Variants in PLXNB2 observed in about 807,000 individuals in gnomAD.
PLXNB2 encodes the protein plexin B2, also known as plexin-B2.
In PLXNB2, 85 loss-of-function variants were observed where a neutral mutation model predicts 202.6. The ratio of observed to expected loss-of-function variants is 0.42; its 90% CI spans 0.35 to 0.50. PLXNB2 has a LOEUF of 0.50. Ranked by LOEUF, PLXNB2 falls within the 20% of genes least tolerant of loss-of-function variation. The probability of loss-of-function intolerance (pLI) is 0.02; values close to 1 mark genes in which losing one functional copy is unlikely to be tolerated. For missense variants in PLXNB2, 2,063 were observed against 2,586.2 expected, an observed-to-expected ratio of 0.80 and a Z score of 4.39; for synonymous variants, 1,239 against 1,137.6, an observed-to-expected ratio of 1.09 and a Z score of -1.79.
At chr22:50,306,333 T>C (rs538246849) in intron 1 of PLXNB2, among the ~76,000 whole-genome samples, 7 of 152,184 alleles carry the variant, frequency 4.6e-5, no homozygotes, top group African/African-American at 1.7e-4. Context: ...GGGATTTCTA[T>C]GCAACATGCA....
intron 1 of PLXNB2, chr22:50,301,278 C>T: frequency 2.0e-6 from 1 of 495,458 alleles, no homozygotes; most frequent in Non-Finnish European, 2.6e-6. Flanking sequence ...AACCTGGGCA[C>T]AGCTGCAGCC....
chr22:50,287,003 G>T (rs1007999140), intron 8 of PLXNB2, 108 bp downstream of exon 8: 6 of 1,136,436 alleles, frequency 5.3e-6, no homozygotes, highest in Non-Finnish European at 7.2e-6. Flanking sequence ...GCCGCGGAGT[G>T]TGCCTGTGCA....
Position 50,278,922 on chromosome 22 carries a change from C to G in PLXNB2, c.4479G>C (p.Lys1493Asn). 1 of 1,613,680 alleles carries G rather than the reference C, an allele frequency of 6.2e-7. No individual in the cohort carries two copies. Among genetic ancestry groups the G allele is most frequent in the East Asian group, 2.2e-5 (1 of 44,874 alleles). The change falls in exon 28 of 37, where the codon AAG (lysine) becomes AAC (asparagine). Residue 1493 changes from lysine to asparagine, a missense_variant. This residue lies in a region of PLXNB2 where 760 missense variants were observed against 1,109.4 expected (regional missense o/e 0.69). Coordinates refer to ENST00000359337, the MANE Select transcript of PLXNB2 (RefSeq NM_012401.4). ...GCCCACGGTACACCTGGTCAATGATCTTCTCCTTGACCTGGGAGATGGTGT... is the reference window on the plus strand; with the variant it reads ...GCCCACGGTACACCTGGTCAATGATGTTCTCCTTGACCTGGGAGATGGTGT... ...NCDTISQVKE[K>N]IIDQVYRGQP...
intron 35 of PLXNB2, among the ~76,000 whole-genome samples, chr22:50,276,182 C>T (rs1411031081): frequency 3.1e-4 from 47 of 151,388 alleles, no homozygotes; most frequent in East Asian, 1.9e-4. Flanking sequence ...CCCTGTGTGA[C>T]GCACGGCTGT....
chr22:50,278,379 T>C, intron 30 of PLXNB2, 56 bp downstream of exon 30: 2 of 1,556,046 alleles, frequency 1.3e-6, no homozygotes, highest in Non-Finnish European at 1.8e-6. Flanking sequence ...AGGGCAGACA[T>C]GGTCCACGCT....
chr22:50,283,068 T>C lies in PLXNB2; in HGVS notation c.2798A>G (p.Asn933Ser), dbSNP rs201547301. Residue 933 changes from asparagine (N) to serine (S), a missense_variant, in exon 17 of 37, where the codon AAC (asparagine) becomes AGC (serine). By Grantham distance (46) the Asn-to-Ser change is conservative. Transcript: ENST00000359337. ...CACCCACACTTTACACGGGACGCCGTTGAGGGTCACCCGCACGTCCTCCTG... is the reference window on the plus strand; with the variant it reads ...CACCCACACTTTACACGGGACGCCGCTGAGGGTCACCCGCACGTCCTCCTG... The part of the protein sequence containing the change: ...GSQEDVRVTL[N>S]GVPCKVTKFG... 1,996 of 1,610,908 alleles carry C rather than the reference T, an allele frequency of 1.2e-3. 59 individuals are homozygous for C. The Admixed American group carries it at 0.033, about 27-fold the overall frequency.
At position 50,284,071 on chromosome 22, in the gene PLXNB2, C is replaced by A. The variant is rs1255296087; in HGVS notation, c.2263+61G>T. The A allele has an allele frequency of 4.3e-5, 66 of 1,537,440 alleles. No homozygotes were observed. Among genetic ancestry groups the A allele is most frequent in the African/African-American group, 1.4e-5 (1 of 73,510 alleles). ...TCCCCACTGCGCCCACCTGTCCCCC[C>A]ACCCACCGCCTTGTGCCCACCCGTC... is the stretch of plus-strand genomic sequence containing the variant. On this transcript the variant is annotated intron_variant, in intron 13 of 36. Coordinates refer to ENST00000359337, the MANE Select transcript of PLXNB2 (RefSeq NM_012401.4). This position sits in a 1 kb window ranked among gnomAD's most constrained non-coding sequence, Gnocchi z 8.0.
intron 27 of PLXNB2, 136 bp from the exon 28 acceptor site, chr22:50,279,147 C>T (rs1187838526): frequency 5.0e-5 from 43 of 851,588 alleles, no homozygotes; most frequent in African/African-American, 2.4e-4. Flanking sequence ...AGCCCGGCTC[C>T]GAGCCCCCGA....
intron 22 of PLXNB2, 24 bp downstream of exon 22, chr22:50,281,336 G>T (rs2065974594): frequency 6.2e-7 from 1 of 1,609,968 alleles, no homozygotes; most frequent in Non-Finnish European, 8.5e-7. Flanking sequence ...TCAGGGTGTT[G>T]GCACAGCCGG....
chr22:50,289,248 C>T lies in PLXNB2; in HGVS notation c.1069-106G>A, dbSNP rs888567124. 13 of 1,083,782 alleles carry T rather than the reference C, an allele frequency of 1.2e-5. No individual in the cohort carries two copies. Among genetic ancestry groups the T allele is most frequent in the African/African-American group, 9.5e-5 (6 of 62,972 alleles). The allele number at this position is 1,083,782 out of a possible 1,614,324, so 67.1% of individuals were successfully genotyped here. A position where few individuals can be genotyped will look rare whatever the true frequency, so the allele number is the denominator to read the frequency against. On this transcript the variant is annotated intron_variant, in intron 3 of 36. Coordinates refer to ENST00000359337, the MANE Select transcript of PLXNB2 (RefSeq NM_012401.4). This position sits in a 1 kb window ranked among gnomAD's most constrained non-coding sequence, Gnocchi z 8.0. ...AGGCCCTTCCCTTCCCTCCGGCACA[C>T]GTCCTACACACGTCCCCGAGAACAG...
Position 50,307,590 on chromosome 22 carries a change from C to A in PLXNB2, c.-111G>T, listed in dbSNP as rs1015693015. The A allele has an allele frequency of 1.0e-6, 1 of 981,236 alleles. No individual in the cohort carries two copies. The highest frequency in any genetic ancestry group is 1.8e-5 in the African/African-American group (1 of 56,268). 60.8% of individuals were successfully genotyped at this position (981,236 alleles called of 1,614,324 possible). ...CGCCAAGGCTCGATGGCGCCCGGGC[C>A]GCGCTCGGCGCTGCGCTCTGGCCCG... On this transcript the variant is annotated 5_prime_UTR_variant, in exon 1 of 37. Coordinates refer to ENST00000359337, the MANE Select transcript of PLXNB2 (RefSeq NM_012401.4).
In PLXNB2 at chr22:50,307,604, C is replaced by A. The variant is rs576326932; in HGVS notation, c.-125G>T. The stretch of plus-strand genomic sequence containing the variant: ...GGCGCCCGGGCCGCGCTCGGCGCTG[C>A]GCTCTGGCCCGCGCTGCTGCCATGG... On this transcript the variant is annotated 5_prime_UTR_variant, in exon 1 of 37. Transcript: ENST00000359337. 6.5e-5 allele frequency: 64 copies of A among 982,054 alleles called. 2 individuals carry two copies. The South Asian group carries it at 2.4e-3, about 36-fold the overall frequency. The allele number at this position is 982,054 out of a possible 1,614,324, so 60.8% of individuals were successfully genotyped here.
In PLXNB2 at chr22:50,283,635, G is replaced by A; in HGVS notation, c.2537C>T (p.Ser846Phe). 3 of 1,613,078 alleles carry A rather than the reference G, an allele frequency of 1.9e-6. No individual in the cohort carries two copies. The highest frequency in any genetic ancestry group is 1.7e-4 in the Middle Eastern group (1 of 6,060). ...QRISVAGRNC[S>F]FQPERYSVST... ...CACGGAGTAACGTTCCGGCTGAAAG[G>A]AGCAGTTCCGGCCGGCCACAGAGAT... The change falls in exon 15 of 37, where the codon TCC (serine) becomes TTC (phenylalanine). Residue 846 changes from serine to phenylalanine, a missense_variant. This residue lies in a region of PLXNB2 where 1,303 missense variants were observed against 1,476.8 expected (regional missense o/e 0.88). Transcript: ENST00000359337.
chr22:50,280,393 G>A, intron 25 of PLXNB2, 96 bp downstream of exon 25: 2 of 1,207,872 alleles, frequency 1.7e-6, no homozygotes, highest in South Asian at 1.6e-5. Flanking sequence ...GCCGGCTCCT[G>A]GGGGCCCAAC....
intron 8 of PLXNB2, 121 bp from the exon 9 acceptor site, chr22:50,286,408 G>A: frequency 1.5e-6 from 1 of 667,146 alleles, no homozygotes. Context: ...AGGGGGCCCT[G>A]CCAGGACGCC....
rs745672789 is a variant in PLXNB2, at chr22:50,288,981, G to T, written c.1230C>A (p.Thr410=). 1 of 1,609,360 alleles carries T rather than the reference G, an allele frequency of 6.2e-7. No individual in the cohort carries two copies. Among genetic ancestry groups the T allele is most frequent in the Non-Finnish European group, 8.5e-7 (1 of 1,177,172 alleles). ...AAACCTTGAGGATCCGGCCATCAGAGGTGCCCAGAAAAGCAACAGTGTGGT... is the reference window on the plus strand; with the variant it reads ...AAACCTTGAGGATCCGGCCATCAGATGTGCCCAGAAAAGCAACAGTGTGGT... ...ENNHTVAFLG[T]SDGRILKVYL... is the part of the protein sequence containing the mutation. The change falls in exon 4 of 37, where the codon ACC becomes ACA. Residue 410 remains threonine, a synonymous_variant. Coordinates refer to ENST00000359337, the MANE Select transcript of PLXNB2 (RefSeq NM_012401.4). This position sits in a 1 kb window ranked among gnomAD's most constrained non-coding sequence, Gnocchi z 5.0.
At chr22:50,280,718 T>TCCCC in intron 24 of PLXNB2, 26 bp downstream of exon 24, 2 of 696,468 alleles carry the variant, frequency 2.9e-6, no homozygotes, top group Admixed American at 5.1e-5. Context: ...CTGTGTGCCC[T>TCCCC]CCCGCCCGCC....
chr22:50,298,776 G>C (rs1486445569), intron 1 of PLXNB2, among the ~76,000 whole-genome samples: 1 of 152,216 alleles, frequency 6.6e-6, no homozygotes. Flanking sequence ...CTCTCCAGTA[G>C]CTGGGACTAC....
At chr22:50,286,957 C>T (rs2066500057) in intron 8 of PLXNB2, among the ~76,000 whole-genome samples, 154 bp downstream of exon 8, 1 of 152,184 alleles carries the variant, frequency 6.6e-6, no homozygotes, top group South Asian at 2.1e-4. Context: ...ACAGCAACCC[C>T]ACCACAGGCT....
Sources: gnomAD v4.1 joint callset for allele counts (sites outside exome capture counted in the v4.1 genomes callset) on GRCh38, gnomAD v4.1.1 for gene constraint, gnomAD v4.1.1 regional missense constraint, Gnocchi (gnomAD v3.1) non-coding constraint, MANE v1.5 for transcripts, NCBI Gene and HGNC (gene_info 2026-07-23, HGNC 2026-07-21) for gene names.